Variants in PAG1 observed in about 807,000 individuals in gnomAD.
The protein encoded by PAG1 is phosphoprotein associated with glycosphingolipid-enriched microdomains 1.
In PAG1, 23 loss-of-function variants were observed where a neutral mutation model predicts 31.7. The observed-to-expected ratio is 0.73, with a 90% confidence interval of 0.52 to 1.03. PAG1 has a LOEUF of 1.03. Among genes scored for constraint, PAG1 ranks in the 50% least tolerant of loss-of-function variants. The pLI is 0.00. For missense variants in PAG1, 473 were observed against 540.7 expected (o/e 0.87, Z 1.24); for synonymous variants, 214 against 210.3 (o/e 1.02, Z -0.15).
At chr8:81,019,207 G>A (rs1043188024) in intron 3 of PAG1, among the ~76,000 whole-genome samples, 5 of 152,278 alleles carry the variant, frequency 3.3e-5, no homozygotes, top group African/African-American at 4.8e-5. Context: ...AGGAAGCAGA[G>A]AATAAAAGTT....
intron 2 of PAG1, among the ~76,000 whole-genome samples, chr8:81,056,225 A>T (rs1808820682): frequency 6.6e-6 from 1 of 152,186 alleles, no homozygotes; most frequent in Admixed American, 6.5e-5. Flanking sequence ...ACTACTTTAA[A>T]GTTCACATGG....
intron 3 of PAG1, among the ~76,000 whole-genome samples, chr8:81,003,972 C>T (rs1807831578): frequency 4.6e-5 from 7 of 152,184 alleles, no homozygotes; most frequent in Admixed American, 4.6e-4. Flanking sequence ...CCCGACAGCC[C>T]TTCCAAAACA....
At chr8:81,090,920 G>A (rs1809434320) in intron 1 of PAG1, among the ~76,000 whole-genome samples, 2 of 152,212 alleles carry the variant, frequency 1.3e-5, no homozygotes, top group Non-Finnish European at 1.5e-5. Flanking sequence ...AGAATGACCT[G>A]AGCAGATTGG....
At chr8:81,043,626 G>A (rs573054469) in intron 2 of PAG1, among the ~76,000 whole-genome samples, 49 of 152,202 alleles carry the variant, frequency 3.2e-4, no homozygotes, top group Non-Finnish European at 6.2e-4. Context: ...GATTATTTTT[G>A]GTTTTCCTCA....
chr8:80,992,320 A>G (rs1563620508), intron 4 of PAG1, among the ~76,000 whole-genome samples: 1 of 152,216 alleles, frequency 6.6e-6, no homozygotes, highest in Non-Finnish European at 1.5e-5. Context: ...ATTTTAGGGT[A>G]GGAAGCTATT....
rs958752927 is a variant in PAG1, at chr8:80,975,973, C to G, written c.*571G>C. On this transcript the variant is annotated 3_prime_UTR_variant, in exon 9 of 9. Transcript: ENST00000220597. ...CTGATGCGCAACTCTTTGGGGAGGACTGGCGAGCTGGGCAGAAAGCAGCAG... is the reference window on the plus strand; with the variant it reads ...CTGATGCGCAACTCTTTGGGGAGGAGTGGCGAGCTGGGCAGAAAGCAGCAG... 6.5e-5 allele frequency: 10 copies of G among 152,712 alleles called. No homozygotes were observed. The highest frequency in any genetic ancestry group is 2.4e-4 in the African/African-American group (10 of 41,434). The allele number at this position is 152,712 out of a possible 1,614,324, so 9.5% of individuals were successfully genotyped here.
chr8:80,999,763 T>A (rs1807751185), intron 3 of PAG1, among the ~76,000 whole-genome samples: 1 of 152,230 alleles, frequency 6.6e-6, no homozygotes, highest in South Asian at 2.1e-4. Flanking sequence ...TTATTGTTTA[T>A]AAACACTTTT....
chr8:81,041,068 C>T, intron 2 of PAG1, among the ~76,000 whole-genome samples: 1 of 152,120 alleles, frequency 6.6e-6, no homozygotes, highest in Non-Finnish European at 1.5e-5. Context: ...CATCGATCTG[C>T]CAAAATGGAG....
intron 2 of PAG1, among the ~76,000 whole-genome samples, chr8:81,048,780 A>C (rs1808682028): frequency 6.6e-6 from 1 of 152,170 alleles, no homozygotes; most frequent in Non-Finnish European, 1.5e-5. Context: ...ATGATCTTAA[A>C]AGCTGTTGTG....
chr8:81,046,336 T>A (rs1399504447), intron 2 of PAG1, among the ~76,000 whole-genome samples: 1 of 152,212 alleles, frequency 6.6e-6, no homozygotes, highest in Non-Finnish European at 1.5e-5. Flanking sequence ...GGCATCCTGG[T>A]GTTTATCCAT....
At position 80,975,727 on chromosome 8, in the gene PAG1, A is replaced by G. The variant is rs925980694; in HGVS notation, c.*817T>C. On this transcript the variant is annotated 3_prime_UTR_variant, in exon 9 of 9. Transcript: ENST00000220597. ...CTTAAACAAGTCTAGAAGTACCACA[A>G]TACTCATGGAAAATACTGAAAAGAT... 6.6e-6 allele frequency: 1 copy of G among 152,252 alleles called. No homozygotes were observed. Among genetic ancestry groups the G allele is most frequent in the Non-Finnish European group, 1.5e-5 (1 of 68,046 alleles). 9.4% of individuals were successfully genotyped at this position (152,252 alleles called of 1,614,324 possible).
intron 2 of PAG1, among the ~76,000 whole-genome samples, chr8:81,060,088 C>T (rs1387984647): frequency 6.6e-6 from 1 of 151,772 alleles, no homozygotes; most frequent in African/African-American, 2.4e-5. Flanking sequence ...GATTATCCAT[C>T]CAAATTAAGC....
At chr8:80,979,696 A>G (rs1019403760) in intron 8 of PAG1, among the ~76,000 whole-genome samples, 2 of 152,176 alleles carry the variant, frequency 1.3e-5, no homozygotes, top group Non-Finnish European at 2.9e-5. Flanking sequence ...CATGTACACA[A>G]TTTACTCTGC....
At chr8:80,982,682 A>T (rs558947779) in intron 7 of PAG1, among the ~76,000 whole-genome samples, 1 of 152,190 alleles carries the variant, frequency 6.6e-6, no homozygotes, top group African/African-American at 2.4e-5. Context: ...CGTACCCAAC[A>T]CTGACTGCTG....
At chr8:81,088,063 A>G (rs1809388595) in intron 1 of PAG1, among the ~76,000 whole-genome samples, 1 of 152,164 alleles carries the variant, frequency 6.6e-6, no homozygotes, top group Non-Finnish European at 1.5e-5. Flanking sequence ...TTTCCCCAAA[A>G]ATAACTCCTT....
intron 7 of PAG1, among the ~76,000 whole-genome samples, chr8:80,982,969 G>C (rs1393879588): frequency 3.9e-5 from 6 of 152,122 alleles, no homozygotes; most frequent in Non-Finnish European, 8.8e-5. Flanking sequence ...TTCAAAACTG[G>C]AGTCAGAGGG....
intron 1 of PAG1, among the ~76,000 whole-genome samples, chr8:81,106,073 T>C: frequency 6.6e-6 from 1 of 152,162 alleles, no homozygotes; most frequent in East Asian, 1.9e-4. Flanking sequence ...GACAAAGTCT[T>C]ACTCTGTTGC....
At chr8:81,006,339 C>A (rs1807876959) in intron 3 of PAG1, among the ~76,000 whole-genome samples, 1 of 152,220 alleles carries the variant, frequency 6.6e-6, no homozygotes, top group Admixed American at 6.5e-5. Flanking sequence ...CTTGTGAGTC[C>A]TGCACTGCCC....
intron 3 of PAG1, among the ~76,000 whole-genome samples, chr8:81,018,668 G>C (rs984795275): frequency 1.3e-5 from 2 of 152,204 alleles, no homozygotes; most frequent in Admixed American, 6.5e-5. Context: ...TGTGAGACAG[G>C]CCTTTGCTTC....
Sources: allele counts gnomAD v4.1 joint callset (sites outside exome capture counted in the v4.1 genomes callset), GRCh38; gene constraint gnomAD v4.1.1; transcripts MANE v1.5; gene names NCBI Gene and HGNC (gene_info 2026-07-23, HGNC 2026-07-21).